The following FRAT2 variants were observed in gnomAD, a reference collection of about 807,000 sequenced individuals.
The protein encoded by FRAT2 is GSK-3-binding protein FRAT2.
For synonymous variants in FRAT2, 205 were observed against 171.5 expected (o/e 1.20, Z -1.53); for missense variants, 326 against 340.8 (o/e 0.96, Z 0.34).
chr10:97,333,776 A>C lies in FRAT2; in HGVS notation c.*95T>G. 7.6e-7 allele frequency: 1 copy of C among 1,324,234 alleles called. No homozygotes were observed. Among genetic ancestry groups the C allele is most frequent in the Non-Finnish European group, 9.8e-7 (1 of 1,023,952 alleles). 82.0% of individuals were successfully genotyped at this position (1,324,234 alleles called of 1,614,324 possible). ...CCCCGCAGCCAAAGTGGTCGCTCCC[A>C]GGCTGGCGACGTCGGCTTCAGCTCA... On this transcript the variant is annotated 3_prime_UTR_variant, in exon 1 of 1. Transcript: ENST00000371019.
In FRAT2 at chr10:97,332,760, A is replaced by C. The variant is rs1843537576; in HGVS notation, c.*1111T>G. ...CATTTTAAAACCGGTTTCAGACACA[A>C]AAGAAGGGCTGGCACGGGAGGAGGA... is the stretch of plus-strand genomic sequence containing the variant. On this transcript the variant is annotated 3_prime_UTR_variant, in exon 1 of 1. Coordinates refer to ENST00000371019, the MANE Select transcript of FRAT2 (RefSeq NM_012083.3). 6.6e-6 allele frequency: 1 copy of C among 152,134 alleles called. No individual in the cohort carries two copies. The highest frequency in any genetic ancestry group is 2.1e-4 in the South Asian group (1 of 4,832). 9.4% of individuals were successfully genotyped at this position (152,134 alleles called of 1,614,324 possible).
At position 97,334,459 on chromosome 10, in the gene FRAT2, G is replaced by A. The variant is rs1447541853; in HGVS notation, c.114C>T (p.Gly38=). The change falls in exon 1 of 1, where the codon GGC becomes GGT. Residue 38 remains glycine, a synonymous_variant. Coordinates refer to ENST00000371019, the MANE Select transcript of FRAT2 (RefSeq NM_012083.3). Reference sequence around the variant, plus strand: ...TCTGGGCCACCAGCCGGTCCACCTCGCCCGAGCTGCCCAGCGTCACCGACT... The same window carrying A: ...TCTGGGCCACCAGCCGGTCCACCTCACCCGAGCTGCCCAGCGTCACCGACT... ...LQQSVTLGSS[G]EVDRLVAQIG... is the part of the protein sequence containing the mutation. The A allele has an allele frequency of 1.3e-6, 2 of 1,488,454 alleles. No individual in the cohort carries two copies. Among genetic ancestry groups the A allele is most frequent in the Non-Finnish European group, 1.8e-6 (2 of 1,123,970 alleles). 92.2% of individuals were successfully genotyped at this position (1,488,454 alleles called of 1,614,324 possible). A position where few individuals can be genotyped will look rare whatever the true frequency, so the allele number is the denominator to read the frequency against.
chr10:97,333,743 A>G lies in FRAT2; in HGVS notation c.*128T>C, dbSNP rs1684532136. On this transcript the variant is annotated 3_prime_UTR_variant, in exon 1 of 1. Transcript: ENST00000371019. The stretch of plus-strand genomic sequence containing the variant: ...ACTTCTCTGGTTGAGATCTCTCCCC[A>G]CGCGCCTCCCCGCAGCCAAAGTGGT... 2 of 1,048,874 alleles carry G rather than the reference A, an allele frequency of 1.9e-6. No individual in the cohort carries two copies. The highest frequency in any genetic ancestry group is 2.6e-6 in the Non-Finnish European group (2 of 778,446). 65.0% of individuals were successfully genotyped at this position (1,048,874 alleles called of 1,614,324 possible). A position where few individuals can be genotyped will look rare whatever the true frequency, so the allele number is the denominator to read the frequency against.
Position 97,333,789 on chromosome 10 carries a change from C to A in FRAT2, c.*82G>T, listed in dbSNP as rs1843547090. Reference sequence around the variant, plus strand: ...GTGGTCGCTCCCAGGCTGGCGACGTCGGCTTCAGCTCAGAGTTAGTAGGAA... The same window carrying A: ...GTGGTCGCTCCCAGGCTGGCGACGTAGGCTTCAGCTCAGAGTTAGTAGGAA... On this transcript the variant is annotated 3_prime_UTR_variant, in exon 1 of 1. Transcript: ENST00000371019. 2 of 1,351,560 alleles carry A rather than the reference C, an allele frequency of 1.5e-6. No individual in the cohort carries two copies. The allele number at this position is 1,351,560 out of a possible 1,614,324, so 83.7% of individuals were successfully genotyped here.
rs1031972699 is a variant in FRAT2 at position 97,333,819 on chromosome 10, A to G, written c.*52T>C. ...TCAGCTCAGAGTTAGTAGGAACTGG[A>G]CGCTGTTGGGTCTACGCAGCGGCCT... On this transcript the variant is annotated 3_prime_UTR_variant, in exon 1 of 1. Coordinates refer to ENST00000371019, the MANE Select transcript of FRAT2 (RefSeq NM_012083.3). The G allele has an allele frequency of 1.5e-5, 21 of 1,414,490 alleles. No homozygotes were observed. The African/African-American group carries it at 2.7e-4, about 18-fold the overall frequency. The allele number at this position is 1,414,490 out of a possible 1,614,324, so 87.6% of individuals were successfully genotyped here.
chr10:97,334,492 C>T lies in FRAT2; in HGVS notation c.81G>A (p.Leu27=), dbSNP rs550820247. ...GEEEEDDSFL[L]LQQSVTLGSS... ...TGCCCAGCGTCACCGACTGCTGCAG[C>T]AGGAGGAAGCTGTCGTCCTCCTCTT... Residue 27 remains leucine, a synonymous_variant, in exon 1 of 1, where the codon CTG becomes CTA. Coordinates refer to ENST00000371019, the MANE Select transcript of FRAT2 (RefSeq NM_012083.3). 338 of 1,493,764 alleles carry T rather than the reference C, an allele frequency of 2.3e-4. No individual in the cohort carries two copies. In the South Asian group the frequency reaches 3.9e-3, roughly 17 times the overall value. 92.5% of individuals were successfully genotyped at this position (1,493,764 alleles called of 1,614,324 possible). A position where few individuals can be genotyped will look rare whatever the true frequency, so the allele number is the denominator to read the frequency against.
In FRAT2 at chr10:97,332,618, G is replaced by A. The variant is rs1460371701; in HGVS notation, c.*1253C>T. 2.0e-5 allele frequency: 3 copies of A among 152,222 alleles called. No individual in the cohort carries two copies. The highest frequency in any genetic ancestry group is 1.9e-4 in the East Asian group (1 of 5,208). 9.4% of individuals were successfully genotyped at this position (152,222 alleles called of 1,614,324 possible). ...ACATCAATAGCTACATCTGGAGGATGAACAAGCCATTGAATCTTTTAAAAA... is the reference window on the plus strand; with the variant it reads ...ACATCAATAGCTACATCTGGAGGATAAACAAGCCATTGAATCTTTTAAAAA... On this transcript the variant is annotated 3_prime_UTR_variant, in exon 1 of 1. Coordinates refer to ENST00000371019, the MANE Select transcript of FRAT2 (RefSeq NM_012083.3).
Position 97,333,739 on chromosome 10 carries a change from C to G in FRAT2, c.*132G>C. 1.0e-6 allele frequency: 1 copy of G among 1,001,702 alleles called. No individual in the cohort carries two copies. The highest frequency in any genetic ancestry group is 1.4e-6 in the Non-Finnish European group (1 of 735,054). 62.1% of individuals were successfully genotyped at this position (1,001,702 alleles called of 1,614,324 possible). On this transcript the variant is annotated 3_prime_UTR_variant, in exon 1 of 1. Transcript: ENST00000371019. ...GGTAACTTCTCTGGTTGAGATCTCT[C>G]CCCACGCGCCTCCCCGCAGCCAAAG...
Position 97,334,568 on chromosome 10 carries a change from G to C in FRAT2, c.5C>G (p.Pro2Arg), listed in dbSNP as rs756728975. Reference protein sequence around the residue: MPCRREEEEEAG... With the variant: MRCRREEEEEAG... The stretch of plus-strand genomic sequence containing the variant: ...TTCCTCTTCCTCCTCCCTCCGGCAC[G>C]GCATGGCCCCCCGTCCTGGCACCCG... The change falls in exon 1 of 1, where the codon CCG (proline) becomes CGG (arginine). Residue 2 changes from proline (P) to arginine (R), a missense_variant. Coordinates refer to ENST00000371019, the MANE Select transcript of FRAT2 (RefSeq NM_012083.3). The C allele has an allele frequency of 6.9e-6, 10 of 1,451,732 alleles. No individual in the cohort carries two copies. The highest frequency in any genetic ancestry group is 4.0e-5 in the South Asian group (3 of 75,766). The allele number at this position is 1,451,732 out of a possible 1,614,324, so 89.9% of individuals were successfully genotyped here. A position where few individuals can be genotyped will look rare whatever the true frequency, so the allele number is the denominator to read the frequency against.
In FRAT2 at chr10:97,334,044, G is replaced by C; in HGVS notation, c.529C>G (p.Arg177Gly). 1 of 1,595,982 alleles carries C rather than the reference G, an allele frequency of 6.3e-7. No homozygotes were observed. The highest frequency in any genetic ancestry group is 8.5e-7 in the Non-Finnish European group (1 of 1,178,710). The stretch of plus-strand genomic sequence containing the variant: ...GAGAGCACGAGCTGCTGGAGGAGCC[G>C]ATGCGGGTCGTCGTCGCCGGCGCGT... ...GARAGDDDPH[R>G]LLQQLVLSGN... The change falls in exon 1 of 1, where the codon CGG becomes GGG. Residue 177 changes from arginine (R) to glycine (G), a missense_variant. Transcript: ENST00000371019.
Position 97,333,888 on chromosome 10 carries a change from A to AGG in FRAT2, c.683_684dup (p.Ser229ProfsTer20), listed in dbSNP as rs1371732259. The stretch of plus-strand genomic sequence containing the variant: ...GGCCTGCGTCAGAGCAAGGAGCCTG[A>AGG]GGGCTGCAGGGCAATGCGGTCAGGT... On this transcript the variant is annotated frameshift_variant, in exon 1 of 1. Coordinates refer to ENST00000371019, the MANE Select transcript of FRAT2 (RefSeq NM_012083.3). LOFTEE classifies it high-confidence loss of function. 1.9e-6 allele frequency: 3 copies of AGG among 1,542,860 alleles called. No individual in the cohort carries two copies. Among genetic ancestry groups the AGG allele is most frequent in the Non-Finnish European group, 2.6e-6 (3 of 1,150,562 alleles).
At position 97,334,580 on chromosome 10, in the gene FRAT2, C is replaced by T. The variant is rs569187998; in HGVS notation, c.-8G>A. ...CTCCCTCCGGCACGGCATGGCCCCC[C>T]GTCCTGGCACCCGGAGCTGTGCGGG... is the stretch of plus-strand genomic sequence containing the variant. On this transcript the variant is annotated 5_prime_UTR_variant, in exon 1 of 1. Transcript: ENST00000371019. 18 of 1,433,032 alleles carry T rather than the reference C, an allele frequency of 1.3e-5. No individual in the cohort carries two copies. The highest frequency in any genetic ancestry group is 1.5e-5 in the African/African-American group (1 of 68,070). The allele number at this position is 1,433,032 out of a possible 1,614,324, so 88.8% of individuals were successfully genotyped here.
Position 97,332,718 on chromosome 10 carries a change from C to A in FRAT2, c.*1153G>T, listed in dbSNP as rs1365287452. 6.6e-6 allele frequency: 1 copy of A among 152,192 alleles called. No homozygotes were observed. Among genetic ancestry groups the A allele is most frequent in the East Asian group, 1.9e-4 (1 of 5,204 alleles). The allele number at this position is 152,192 out of a possible 1,614,324, so 9.4% of individuals were successfully genotyped here. On this transcript the variant is annotated 3_prime_UTR_variant, in exon 1 of 1. Transcript: ENST00000371019. ...TCAAGTTTCATACAGCCAGCGGCTTCTTCTCTGGGAGAGTCACATTTTAAA... is the reference window on the plus strand; with the variant it reads ...TCAAGTTTCATACAGCCAGCGGCTTATTCTCTGGGAGAGTCACATTTTAAA...
chr10:97,334,168 T>C lies in FRAT2; in HGVS notation c.405A>G (p.Ala135=). The change falls in exon 1 of 1, where the codon GCA becomes GCG. Residue 135 remains alanine (A), a synonymous_variant. Coordinates refer to ENST00000371019, the MANE Select transcript of FRAT2 (RefSeq NM_012083.3). The stretch of plus-strand genomic sequence containing the variant: ...ACGGCCCCGGCAGCGCGCTGGGGCC[T>C]GCGGCGACCTCCGCCACGCAGTAGG... The part of the protein sequence containing the change: ...AAPYCVAEVA[A]GPSALPGPCR... 3.6e-6 allele frequency: 5 copies of C among 1,402,116 alleles called. No individual in the cohort carries two copies. The highest frequency in any genetic ancestry group is 4.6e-6 in the Non-Finnish European group (5 of 1,088,664). 86.9% of individuals were successfully genotyped at this position (1,402,116 alleles called of 1,614,324 possible). A position where few individuals can be genotyped will look rare whatever the true frequency, so the allele number is the denominator to read the frequency against.
rs1843535054 is a variant in FRAT2, at chr10:97,332,528, C to T, written c.*1343G>A. The T allele has an allele frequency of 6.6e-6, 1 of 151,982 alleles. No homozygotes were observed. Among genetic ancestry groups the T allele is most frequent in the Non-Finnish European group, 1.5e-5 (1 of 68,038 alleles). The allele number at this position is 151,982 out of a possible 1,614,324, so 9.4% of individuals were successfully genotyped here. A position where few individuals can be genotyped will look rare whatever the true frequency, so the allele number is the denominator to read the frequency against. ...ACAAAAGCCAAATTTATTCAGCAGA[C>T]ATTTTAATTATGAAATCCTATAAAT... is the stretch of plus-strand genomic sequence containing the variant. On this transcript the variant is annotated 3_prime_UTR_variant, in exon 1 of 1. Coordinates refer to ENST00000371019, the MANE Select transcript of FRAT2 (RefSeq NM_012083.3).
In FRAT2 at chr10:97,334,344, G is replaced by A. The variant is rs1843556871; in HGVS notation, c.229C>T (p.Leu77=). 14 of 1,189,192 alleles carry A rather than the reference G, an allele frequency of 1.2e-5. No individual in the cohort carries two copies. Among genetic ancestry groups the A allele is most frequent in the African/African-American group, 6.4e-5 (4 of 62,500 alleles). 73.7% of individuals were successfully genotyped at this position (1,189,192 alleles called of 1,614,324 possible). The change falls in exon 1 of 1, where the codon CTG becomes TTG. Residue 77 remains leucine (L), a synonymous_variant. Transcript: ENST00000371019. ...PGVPLRAPGP[L]AAAVPADKAR... is the part of the protein sequence containing the mutation. The stretch of plus-strand genomic sequence containing the variant: ...TTGTCCGCCGGCACCGCCGCAGCCA[G>A]GGGCCCCGGGGCCCGCAGCGGCACC...
chr10:97,334,639 A>G lies in FRAT2; in HGVS notation c.-67T>C. On this transcript the variant is annotated 5_prime_UTR_variant, in exon 1 of 1. Transcript: ENST00000371019. The stretch of plus-strand genomic sequence containing the variant: ...GGGGCTTGGTTGCCCGCGGGCGCGG[A>G]GCTGCGGGCGAAGCCGGAGCAGGGG... 1.5e-6 allele frequency: 2 copies of G among 1,300,756 alleles called. No individual in the cohort carries two copies. The highest frequency in any genetic ancestry group is 2.0e-6 in the Non-Finnish European group (2 of 1,021,282). 80.6% of individuals were successfully genotyped at this position (1,300,756 alleles called of 1,614,324 possible). A position where few individuals can be genotyped will look rare whatever the true frequency, so the allele number is the denominator to read the frequency against.
Position 97,332,769 on chromosome 10 carries a change from C to G in FRAT2, c.*1102G>C, listed in dbSNP as rs1589397039. 1 of 152,144 alleles carries G rather than the reference C, an allele frequency of 6.6e-6. No individual in the cohort carries two copies. The highest frequency in any genetic ancestry group is 1.9e-4 in the East Asian group (1 of 5,188). The allele number at this position is 152,144 out of a possible 1,614,324, so 9.4% of individuals were successfully genotyped here. A position where few individuals can be genotyped will look rare whatever the true frequency, so the allele number is the denominator to read the frequency against. On this transcript the variant is annotated 3_prime_UTR_variant, in exon 1 of 1. Coordinates refer to ENST00000371019, the MANE Select transcript of FRAT2 (RefSeq NM_012083.3). ...ACCGGTTTCAGACACAAAAGAAGGG[C>G]TGGCACGGGAGGAGGAAATAAATTG...
rs532632753 is a variant in FRAT2, at chr10:97,334,480, C to T, written c.93G>A (p.Ser31=). The change falls in exon 1 of 1, where the codon TCG becomes TCA. Residue 31 remains serine (S), a synonymous_variant. Transcript: ENST00000371019. ...CCTCGCCCGAGCTGCCCAGCGTCAC[C>T]GACTGCTGCAGCAGGAGGAAGCTGT... ...EDDSFLLLQQ[S]VTLGSSGEVD... 341 of 1,493,484 alleles carry T rather than the reference C, an allele frequency of 2.3e-4. No homozygotes were observed. The South Asian group carries it at 3.9e-3, about 17-fold the overall frequency. The allele number at this position is 1,493,484 out of a possible 1,614,324, so 92.5% of individuals were successfully genotyped here.
Sources: gnomAD v4.1 joint callset for allele counts on GRCh38, gnomAD v4.1.1 for gene constraint, MANE v1.5 for transcripts, NCBI Gene and HGNC (gene_info 2026-07-23, HGNC 2026-07-21) for gene names.